ATXN3: variants seen among roughly 807,000 people sequenced by gnomAD.
The protein encoded by ATXN3 is ataxin 3, also known as ataxin-3.
Under a neutral mutation model 58.2 loss-of-function variants are expected in ATXN3, and 28 were observed. The observed-to-expected ratio is 0.48, with a 90% CI of 0.36 to 0.66. The LOEUF is 0.66. Among genes scored for constraint, ATXN3 ranks in the 30% least tolerant of loss-of-function variants. ATXN3 has a pLI of 0.00. For synonymous variants in ATXN3, 113 were observed against 138.5 expected, an observed-to-expected ratio of 0.82 and a Z score of 1.29; for missense variants, 321 against 422.1, an observed-to-expected ratio of 0.76 and a Z score of 2.10.
chr14:92,105,651 C>G (rs1453461995), intron 1 of ATXN3, among the ~76,000 whole-genome samples: 1 of 152,134 alleles, frequency 6.6e-6, no homozygotes, highest in Non-Finnish European at 1.5e-5. Flanking sequence ...CCAAAGCTGT[C>G]CTGGGGAAGG....
intron 3 of ATXN3, among the ~76,000 whole-genome samples, chr14:92,095,358 C>T (rs1228516268): frequency 6.6e-6 from 1 of 152,032 alleles, no homozygotes; most frequent in East Asian, 1.9e-4. Flanking sequence ...ATTCTCCTGC[C>T]TCAGCCTCCC....
chr14:92,082,815 A>G (rs1035915943), intron 7 of ATXN3, among the ~76,000 whole-genome samples: 2 of 151,862 alleles, frequency 1.3e-5, no homozygotes, highest in African/African-American at 4.8e-5. Context: ...ACATCTGGCT[A>G]ATTTTTGTAC....
intron 9 of ATXN3, chr14:92,079,323 TTAAAAG>T (rs2061029437): frequency 3.7e-6 from 2 of 535,812 alleles, no homozygotes; most frequent in Non-Finnish European, 4.8e-6. Flanking sequence ...ATTTTGAAAC[TTAAAAG>T]TAAAAAGCAC....
Position 92,064,209 on chromosome 14 carries a change from T to C in ATXN3, c.*111A>G, listed in dbSNP as rs1429594543. The C allele has an allele frequency of 5.8e-6, 4 of 686,230 alleles. No homozygotes were observed. The highest frequency in any genetic ancestry group is 5.5e-5 in the African/African-American group (3 of 54,440). 42.5% of individuals were successfully genotyped at this position (686,230 alleles called of 1,614,324 possible). Reference sequence around the variant, plus strand: ...TCCCATCATTTTGTTTGCAAACCGCTAAAAGTCTTATTTCCTCATCTCTTT... The same window carrying C: ...TCCCATCATTTTGTTTGCAAACCGCCAAAAGTCTTATTTCCTCATCTCTTT... On this transcript the variant is annotated 3_prime_UTR_variant, in exon 11 of 11. Coordinates refer to ENST00000644486, the MANE Select transcript of ATXN3 (RefSeq NM_004993.6).
intron 10 of ATXN3, among the ~76,000 whole-genome samples, chr14:92,069,299 G>C (rs1023160863): frequency 2.1e-4 from 31 of 150,146 alleles, no homozygotes; most frequent in African/African-American, 7.4e-4. Flanking sequence ...TTGAACTCCT[G>C]ACCTCAGGTG....
At chr14:92,096,950 C>T (rs750449708) in intron 1 of ATXN3, 112 bp from the exon 2 acceptor site, 11 of 940,570 alleles carry the variant, frequency 1.2e-5, no homozygotes, top group African/African-American at 6.7e-5. Context: ...CTCTTTCACC[C>T]AGGCCGGAGT....
rs140129483 is a variant in ATXN3 at position 92,096,587 on chromosome 14, G to A, written c.189+87C>T. 2.6e-3 allele frequency: 3,564 copies of A among 1,353,418 alleles called. 12 individuals carry two copies. The highest frequency in any genetic ancestry group is 4.2e-3 in the Middle Eastern group (18 of 4,256). 83.8% of individuals were successfully genotyped at this position (1,353,418 alleles called of 1,614,324 possible). A position where few individuals can be genotyped will look rare whatever the true frequency, so the allele number is the denominator to read the frequency against. ...TGCAGTGAGCCGAGATCGCGCCATTGCACTCCAGCATGGGCAACAGGGCGA... is the reference window on the plus strand; with the variant it reads ...TGCAGTGAGCCGAGATCGCGCCATTACACTCCAGCATGGGCAACAGGGCGA... On this transcript the variant is annotated intron_variant, in intron 2 of 10. Transcript: ENST00000644486.
At chr14:92,066,905 G>A (rs1239724842) in intron 10 of ATXN3, among the ~76,000 whole-genome samples, 1 of 152,018 alleles carries the variant, frequency 6.6e-6, no homozygotes, top group East Asian at 1.9e-4. Context: ...AAGTAGCTAG[G>A]ATTATAGGTG....
At chr14:92,070,633 A>T in intron 10 of ATXN3, 1 of 747,934 alleles carries the variant, frequency 1.3e-6, no homozygotes, top group Non-Finnish European at 2.1e-6. Flanking sequence ...TGTACAAATT[A>T]CTGTGAAGTT....
intron 8 of ATXN3, among the ~76,000 whole-genome samples, chr14:92,081,751 C>A (rs1009065742): frequency 6.6e-6 from 1 of 151,972 alleles, no homozygotes; most frequent in Non-Finnish European, 1.5e-5. Flanking sequence ...AAACAAAAAA[C>A]CCACTTCAAA....
chr14:92,079,765 C>A (rs2061108949), intron 9 of ATXN3, among the ~76,000 whole-genome samples: 1 of 152,050 alleles, frequency 6.6e-6, no homozygotes. Context: ...GAGACGAAGT[C>A]TCGCTCTTGT....
intron 2 of ATXN3, chr14:92,046,380 T>G (rs1259163157): frequency 1.3e-5 from 2 of 152,258 alleles, no homozygotes; most frequent in African/African-American, 4.8e-5. Context: ...ATGGAGTGAA[T>G]GCCAGGTGGA....
intron 1 of ATXN3, among the ~76,000 whole-genome samples, chr14:92,099,162 A>C (rs554796289): frequency 1.3e-5 from 2 of 152,164 alleles, no homozygotes; most frequent in Non-Finnish European, 2.9e-5. Flanking sequence ...CTCTTTCCCC[A>C]ATAAGGTCTA....
At position 92,080,992 on chromosome 14, in the gene ATXN3, C is replaced by T. The variant is rs145210459; in HGVS notation, c.845G>A (p.Arg282Gln). The T allele has an allele frequency of 2.3e-4, 369 of 1,611,804 alleles. No individual in the cohort carries two copies. The African/African-American group carries it at 4.1e-3, about 18-fold the overall frequency. The change falls in exon 9 of 11, where the codon CGG (arginine) becomes CAG (glutamine). Residue 282 changes from arginine (R) to glutamine (Q), a missense_variant. Around this residue, in one of 2 missense-constraint regions of ATXN3, gnomAD observed 200 missense variants for 223.2 expected, o/e 0.90. Coordinates refer to ENST00000644486, the MANE Select transcript of ATXN3 (RefSeq NM_004993.6). ...TTCAAAGTAGGCTTCTCGTCTCTTCCGAAGCTCTTCTGAAGTAAGATTTGT... is the reference window on the plus strand; with the variant it reads ...TTCAAAGTAGGCTTCTCGTCTCTTCTGAAGCTCTTCTGAAGTAAGATTTGT... ...SGTNLTSEELRKRREAYFEKQ... is the reference protein window; with the variant it reads ...SGTNLTSEELQKRREAYFEKQ...
Position 92,059,999 on chromosome 14 carries a change from G to A in ATXN3, c.*4321C>T, listed in dbSNP as rs1209311670. 2 of 148,776 alleles carry A rather than the reference G, an allele frequency of 1.3e-5. No homozygotes were observed. Among genetic ancestry groups the A allele is most frequent in the Non-Finnish European group, 3.0e-5 (2 of 67,404 alleles). 9.2% of individuals were successfully genotyped at this position (148,776 alleles called of 1,614,324 possible). A position where few individuals can be genotyped will look rare whatever the true frequency, so the allele number is the denominator to read the frequency against. On this transcript the variant is annotated 3_prime_UTR_variant, in exon 11 of 11. Transcript: ENST00000644486. The stretch of plus-strand genomic sequence containing the variant: ...CAACCTCCACCTCCTGGGTTTAAAC[G>A]ATTCTCCTGCCTCAGCCTCCCAAGT...
At chr14:92,097,131 G>A (rs536830767) in intron 1 of ATXN3, among the ~76,000 whole-genome samples, 15 of 151,932 alleles carry the variant, frequency 9.9e-5, no homozygotes, top group African/African-American at 2.4e-4. Context: ...GGATGGTCTT[G>A]ATCTCCTGAC....
In ATXN3 at chr14:92,060,249, C is replaced by CATATATAT. The variant is rs376316878; in HGVS notation, c.*4063_*4070dup. 3 of 134,556 alleles carry CATATATAT rather than the reference C, an allele frequency of 2.2e-5. No homozygotes were observed. Among genetic ancestry groups the CATATATAT allele is most frequent in the African/African-American group, 8.6e-5 (3 of 34,726 alleles). 8.3% of individuals were successfully genotyped at this position (134,556 alleles called of 1,614,324 possible). On this transcript the variant is annotated 3_prime_UTR_variant, in exon 11 of 11. Coordinates refer to ENST00000644486, the MANE Select transcript of ATXN3 (RefSeq NM_004993.6). ...ATATATATACATATATATATACACA[C>CATATATAT]ATATATATATATATATATATATTTT...
intron 1 of ATXN3, among the ~76,000 whole-genome samples, chr14:92,097,469 G>T (rs536458345): frequency 2.0e-5 from 3 of 150,838 alleles, no homozygotes; most frequent in Non-Finnish European, 4.4e-5. Context: ...CTTGTGATCC[G>T]CCTGCCTCGG....
exon 2 of ATXN3, chr14:92,047,941 A>AG: frequency 6.5e-6 from 1 of 152,720 alleles, no homozygotes; most frequent in Non-Finnish European, 1.5e-5. Context: ...GTAATGGTCC[A>AG]GGGGGCTTCC....
Sources: gnomAD v4.1 joint callset for allele counts (sites outside exome capture counted in the v4.1 genomes callset) on GRCh38, gnomAD v4.1.1 for gene constraint, gnomAD v4.1.1 regional missense constraint, MANE v1.5 for transcripts, NCBI Gene and HGNC (gene_info 2026-07-23, HGNC 2026-07-21) for gene names.